HYCC1: variants seen among roughly 807,000 people sequenced by gnomAD.
The protein encoded by HYCC1 is hyccin PI4KA lipid kinase complex subunit 1, also known as hyccin.
chr7:22,944,313 G>A, the HYCC1 span: 1 of 152,078 alleles, frequency 6.6e-6, no homozygotes, highest in Non-Finnish European at 1.5e-5. Context: ...AAAGGACCAC[G>A]GCTAGCAAAC....
At chr7:23,011,636 C>T in the HYCC1 span, among the ~76,000 whole-genome samples, 3 of 152,200 alleles carry the variant, frequency 2.0e-5, no homozygotes, top group East Asian at 1.9e-4. Flanking sequence ...CTCTACCACC[C>T]TCACTATCTT....
chr7:22,985,388 A>C, the HYCC1 span, among the ~76,000 whole-genome samples: 39 of 152,308 alleles, frequency 2.6e-4, no homozygotes, highest in African/African-American at 8.7e-4. Context: ...CCTCATACGC[A>C]AATCTTTGCT....
the HYCC1 span, among the ~76,000 whole-genome samples, chr7:22,911,998 C>A: frequency 9.2e-5 from 14 of 152,066 alleles, no homozygotes; most frequent in Admixed American, 3.9e-4. Flanking sequence ...CATAGAAGAC[C>A]ACAAAATGTT....
At chr7:22,952,666 T>C in the HYCC1 span, among the ~76,000 whole-genome samples, 39 of 151,994 alleles carry the variant, frequency 2.6e-4, 1 homozygote, top group Admixed American at 7.9e-4. Flanking sequence ...TTTACTAGCC[T>C]TTTTTATCAA....
chr7:22,910,937 T>G, the HYCC1 span, among the ~76,000 whole-genome samples: 1 of 152,164 alleles, frequency 6.6e-6, no homozygotes, highest in Non-Finnish European at 1.5e-5. Flanking sequence ...ATAATGTTTA[T>G]ATTTTATTAT....
At chr7:22,975,776 G>A in the HYCC1 span, among the ~76,000 whole-genome samples, 1 of 152,122 alleles carries the variant, frequency 6.6e-6, no homozygotes, top group African/African-American at 2.4e-5. Context: ...GAGTGCAGTG[G>A]TGCAATCATA....
chr7:23,013,914 G>C, the HYCC1 span: 1 of 468,598 alleles, frequency 2.1e-6, no homozygotes, highest in Non-Finnish European at 4.4e-6. Context: ...GGGTCTCTCG[G>C]CTGGACTCAC....
chr7:22,914,232 C>A, the HYCC1 span, among the ~76,000 whole-genome samples: 1 of 152,192 alleles, frequency 6.6e-6, no homozygotes, highest in Non-Finnish European at 1.5e-5. Context: ...CCTGGTCATT[C>A]ACCCACATTC....
the HYCC1 span, among the ~76,000 whole-genome samples, chr7:22,995,165 C>T: frequency 6.6e-6 from 1 of 152,096 alleles, no homozygotes; most frequent in Non-Finnish European, 1.5e-5. Flanking sequence ...CTTCTTATTA[C>T]CACTCAAGAT....
chr7:22,968,114 T>C, the HYCC1 span, among the ~76,000 whole-genome samples: 2 of 152,124 alleles, frequency 1.3e-5, no homozygotes, highest in Non-Finnish European at 2.9e-5. Context: ...TCCCTTCCTT[T>C]CCCCCAGCAA....
the HYCC1 span, among the ~76,000 whole-genome samples, chr7:22,928,504 C>A: frequency 6.6e-6 from 1 of 152,278 alleles, no homozygotes; most frequent in African/African-American, 2.4e-5. Context: ...GATACAAAAT[C>A]AATGTGAAAA....
chr7:22,977,395 G>T, the HYCC1 span: 1 of 1,592,908 alleles, frequency 6.3e-7, no homozygotes, highest in Non-Finnish European at 8.6e-7. Context: ...TCAATACTTT[G>T]GTATGTCCCT....
the HYCC1 span, among the ~76,000 whole-genome samples, chr7:22,923,995 G>GGA: frequency 8.7e-6 from 1 of 114,532 alleles, no homozygotes; most frequent in African/African-American, 3.5e-5. Context: ...TGACTTTAAT[G>GGA]AAAAAAAAAA....
At chr7:22,921,380 AAAG>A in the HYCC1 span, among the ~76,000 whole-genome samples, 4 of 152,338 alleles carry the variant, frequency 2.6e-5, no homozygotes, top group East Asian at 5.8e-4. Context: ...GTATCAAGGT[AAAG>A]AAGAAGTTAA....
chr7:22,920,163 T>C, the HYCC1 span, among the ~76,000 whole-genome samples: 1 of 151,794 alleles, frequency 6.6e-6, no homozygotes, highest in Admixed American at 6.6e-5. Flanking sequence ...TGTGATTTTT[T>C]TGTAGATCCT....
the HYCC1 span, among the ~76,000 whole-genome samples, chr7:23,008,237 A>G: frequency 6.6e-6 from 1 of 152,092 alleles, no homozygotes; most frequent in African/African-American, 2.4e-5. Flanking sequence ...CCATCTTTCT[A>G]TGTTCCATCA....
chr7:22,944,014 G>A, the HYCC1 span: 4 of 152,178 alleles, frequency 2.6e-5, no homozygotes, highest in African/African-American at 9.7e-5. Context: ...ACTATGTCCA[G>A]AGTATAAATG....
the HYCC1 span, among the ~76,000 whole-genome samples, chr7:22,992,802 G>T: frequency 6.6e-6 from 1 of 152,080 alleles, no homozygotes; most frequent in African/African-American, 2.4e-5. Flanking sequence ...AAGTTACATA[G>T]AAATGGGGAG....
At chr7:22,936,738 C>T in the HYCC1 span, 2 of 152,040 alleles carry the variant, frequency 1.3e-5, no homozygotes, top group African/African-American at 2.4e-5. Flanking sequence ...TATTTATTCT[C>T]GCTGGAAAAA....
Sources: allele counts gnomAD v4.1 joint callset (sites outside exome capture counted in the v4.1 genomes callset), GRCh38; gene constraint gnomAD v4.1.1; transcripts MANE v1.5; gene names NCBI Gene and HGNC (gene_info 2026-07-23, HGNC 2026-07-21).